Variants in WIPF1 observed in about 807,000 individuals in gnomAD.
WIPF1 encodes the protein WAS/WASL-interacting protein family member 1.
In WIPF1, 13 loss-of-function variants were observed where a neutral mutation model predicts 35.4. The observed-to-expected ratio is 0.37, with a 90% CI of 0.24 to 0.58. The LOEUF is 0.58. WIPF1 is among the 20% of genes least tolerant of loss of function. The pLI is 0.74. For missense variants in WIPF1, 591 were observed against 667.0 expected, an observed-to-expected ratio of 0.89 and a Z score of 1.25; for synonymous variants, 267 against 266.3, an observed-to-expected ratio of 1.00 and a Z score of -0.02.
At chr2:174,584,768 T>C (rs1685349633) in intron 2 of WIPF1, among the ~76,000 whole-genome samples, 1 of 150,324 alleles carries the variant, frequency 6.7e-6, no homozygotes, top group African/African-American at 2.5e-5. Flanking sequence ...AAAAATTAGC[T>C]GGGCATGGTG....
intron 1 of WIPF1, among the ~76,000 whole-genome samples, chr2:174,595,280 A>G (rs1685782863): frequency 7.2e-6 from 1 of 138,598 alleles, no homozygotes; most frequent in African/African-American, 2.8e-5. Context: ...GACAGAGCAA[A>G]ACCCTGTCTC....
intron 1 of WIPF1, among the ~76,000 whole-genome samples, chr2:174,670,459 A>G (rs1437232843): frequency 2.0e-5 from 3 of 152,254 alleles, no homozygotes; most frequent in Admixed American, 6.5e-5. Flanking sequence ...TGTCGAGGGC[A>G]CTTGTCCTAA....
chr2:174,677,700 G>A (rs977850922), intron 1 of WIPF1, among the ~76,000 whole-genome samples: 3 of 152,044 alleles, frequency 2.0e-5, no homozygotes, highest in African/African-American at 7.2e-5. Flanking sequence ...CTATTATTTC[G>A]ACTTTTCAGC....
At chr2:174,681,421 C>T (rs1688243193) in intron 1 of WIPF1, among the ~76,000 whole-genome samples, 2 of 152,186 alleles carry the variant, frequency 1.3e-5, no homozygotes, top group Non-Finnish European at 2.9e-5. Context: ...GATAGCCTAT[C>T]AAGGGTTTTC....
chr2:174,587,217 A>C lies in WIPF1; in HGVS notation c.-38-1606T>G, dbSNP rs564703102. 1.1e-4 allele frequency among the ~76,000 whole-genome samples: 17 copies of C among 151,986 alleles called. No homozygotes were observed. The East Asian group carries it at 3.3e-3, about 29-fold the overall frequency. On this transcript the variant is annotated intron_variant, in intron 1 of 7. Coordinates refer to ENST00000679041, the MANE Select transcript of WIPF1 (RefSeq NM_001375834.1). ...TATTTTTGTTGTGATGGGTCTTGCT[A>C]TGTTGCCCAGGCTAGTTTTGAACTC...
chr2:174,571,769 G>C lies in WIPF1; in HGVS notation c.1036C>G (p.Pro346Ala). Residue 346 changes from proline (P) to alanine (A), a missense_variant, in exon 5 of 8, where the codon CCC becomes GCC. By Grantham distance (27) the Pro-to-Ala change is conservative. Around this residue, in one of 3 missense-constraint regions of WIPF1, gnomAD observed 471 missense variants for 501.1 expected, o/e 0.94. Coordinates refer to ENST00000679041, the MANE Select transcript of WIPF1 (RefSeq NM_001375834.1). The surrounding 1 kb of genome is among the most constrained non-coding windows in gnomAD (Gnocchi z 4.6). ...GAACGTCCTGGCGAAGGTAACGGGG[G>C]CGTGGACGAACTGAGGGACAGATTC... ...QRNLSLSSST[P>A]PLPSPGRSGP... 1 of 1,614,226 alleles carries C rather than the reference G, an allele frequency of 6.2e-7. No individual in the cohort carries two copies. Among genetic ancestry groups the C allele is most frequent in the South Asian group, 1.1e-5 (1 of 91,088 alleles).
At chr2:174,602,102 A>G (rs1472817814), upstream of WIPF1, among the ~76,000 whole-genome samples, 1 of 152,252 alleles carries the variant, frequency 6.6e-6, no homozygotes, top group Non-Finnish European at 1.5e-5. Flanking sequence ...AGAATTTTAA[A>G]TGCGTATCTC....
At chr2:174,668,666 A>C (rs1345008515) in intron 1 of WIPF1, among the ~76,000 whole-genome samples, 1 of 152,166 alleles carries the variant, frequency 6.6e-6, no homozygotes, top group African/African-American at 2.4e-5. Context: ...AAAACACCAC[A>C]CAAAGAGCTA....
Position 174,562,410 on chromosome 2 carries a change from C to A in WIPF1, c.*137G>T. The A allele has an allele frequency of 6.5e-7, 1 of 1,532,686 alleles. No individual in the cohort carries two copies. The highest frequency in any genetic ancestry group is 8.8e-7 in the Non-Finnish European group (1 of 1,137,294). The allele number at this position is 1,532,686 out of a possible 1,614,324, so 94.9% of individuals were successfully genotyped here. A position where few individuals can be genotyped will look rare whatever the true frequency, so the allele number is the denominator to read the frequency against. On this transcript the variant is annotated 3_prime_UTR_variant, in exon 8 of 8. Transcript: ENST00000679041. ...TCTTACCGATTCCCACCCACACACG[C>A]ATATTCCCACTCCCCCTCCCACCTT...
intron 1 of WIPF1, among the ~76,000 whole-genome samples, chr2:174,679,440 C>T (rs1242135340): frequency 1.3e-5 from 2 of 151,224 alleles, no homozygotes; most frequent in African/African-American, 4.9e-5. Context: ...TGCACTCCAG[C>T]CTGAGCAACA....
At chr2:174,593,425 C>T (rs943525918) in intron 1 of WIPF1, among the ~76,000 whole-genome samples, 1 of 152,176 alleles carries the variant, frequency 6.6e-6, no homozygotes, top group Non-Finnish European at 1.5e-5. Flanking sequence ...TGAATCCACT[C>T]CAAGTCACCC....
intron 2 of WIPF1, among the ~76,000 whole-genome samples, chr2:174,582,277 T>A (rs1490079110): frequency 6.6e-6 from 1 of 152,210 alleles, no homozygotes; most frequent in Non-Finnish European, 1.5e-5. Flanking sequence ...ACTATGAAAT[T>A]GGGATCTTGT....
rs201778679 is a variant in WIPF1 at position 174,677,918 on chromosome 2, AC to A, written c.-39+4855del. On this transcript the variant is annotated intron_variant, in intron 1 of 8. Coordinates refer to the WIPF1 transcript ENST00000272746. ...GCGATGCTTGGAATCAGACTGCTCC[AC>A]ATTTGAATACTAGCTCTGTCACTAA... Among the ~76,000 whole-genome samples, 740 of 152,366 alleles carry A rather than the reference AC, an allele frequency of 4.9e-3. 4 individuals are homozygous for A. The highest frequency in any genetic ancestry group is 0.017 in the Middle Eastern group (5 of 294).
chr2:174,667,813 T>A (rs1026363417), intron 1 of WIPF1, among the ~76,000 whole-genome samples: 1 of 152,200 alleles, frequency 6.6e-6, no homozygotes, highest in African/African-American at 2.4e-5. Flanking sequence ...TTTTTCTTTA[T>A]GGAAAGGAAG....
chr2:174,663,960 A>G (rs1687834553), intron 1 of WIPF1, among the ~76,000 whole-genome samples: 2 of 152,210 alleles, frequency 1.3e-5, no homozygotes, highest in African/African-American at 4.8e-5. Flanking sequence ...CAATTTATGG[A>G]TAAGGAAACT....
intron 1 of WIPF1, among the ~76,000 whole-genome samples, chr2:174,619,143 C>G (rs1457345360): frequency 1.3e-5 from 2 of 151,990 alleles, no homozygotes; most frequent in Non-Finnish European, 2.9e-5. Context: ...GATACGGGGT[C>G]ACACTATGTT....
chr2:174,673,276 C>T (rs529519812), intron 1 of WIPF1: 22 of 152,326 alleles, frequency 1.4e-4, no homozygotes, highest in African/African-American at 5.3e-4. Flanking sequence ...AGTAACCCAC[C>T]TGTTATTTTC....
rs1350192860 is a variant in WIPF1 at position 174,585,455 on chromosome 2, G to A, written c.51+68C>T. On this transcript the variant is annotated intron_variant, in intron 2 of 7. Coordinates refer to ENST00000679041, the MANE Select transcript of WIPF1 (RefSeq NM_001375834.1). ...GCAAACACATTTAATACAAACACAT[G>A]CACGCCAGGTTTTGGCTTCATTTGG... is the stretch of plus-strand genomic sequence containing the variant. The A allele has an allele frequency of 6.9e-7, 1 of 1,453,810 alleles. No individual in the cohort carries two copies. The highest frequency in any genetic ancestry group is 1.4e-5 in the African/African-American group (1 of 71,298). The allele number at this position is 1,453,810 out of a possible 1,614,324, so 90.1% of individuals were successfully genotyped here.
intron 1 of WIPF1, among the ~76,000 whole-genome samples, chr2:174,663,271 A>G (rs1687816525): frequency 6.6e-6 from 1 of 152,180 alleles, no homozygotes; most frequent in South Asian, 2.1e-4. Context: ...GATAACTGCG[A>G]CCCAAACCTC....
Sources: allele counts gnomAD v4.1 joint callset (sites outside exome capture counted in the v4.1 genomes callset), GRCh38; gene constraint gnomAD v4.1.1; regional missense constraint gnomAD v4.1.1; non-coding constraint Gnocchi (gnomAD v3.1); transcripts MANE v1.5; gene names NCBI Gene and HGNC (gene_info 2026-07-23, HGNC 2026-07-21).